The following SLC14A2 variants were observed in gnomAD, a reference collection of about 807,000 sequenced individuals.
SLC14A2 encodes solute carrier family 14 member 2.
A neutral mutation model predicts 104.6 loss-of-function variants in SLC14A2; 91 were observed. That is an observed-to-expected ratio of 0.87 (90% CI 0.73 to 1.04). SLC14A2 has a LOEUF of 1.04. Ranked by LOEUF, SLC14A2 falls within the 50% of genes least tolerant of loss-of-function variation. The probability of loss-of-function intolerance (pLI) is 0.00; values close to 1 mark genes in which losing one functional copy is unlikely to be tolerated. For missense variants in SLC14A2, 1,189 were observed against 1,156.0 expected, an observed-to-expected ratio of 1.03 and a Z score of -0.41; for synonymous variants, 476 against 466.4, an observed-to-expected ratio of 1.02 and a Z score of -0.27.
chr18:45,232,627 G>A (rs947540054), intron 1 of SLC14A2, among the ~76,000 whole-genome samples: 1 of 152,190 alleles, frequency 6.6e-6, no homozygotes, highest in Non-Finnish European at 1.5e-5. Context: ...ACAGGAGGCT[G>A]TCACCATAGA....
rs1046113123 is a variant in SLC14A2, at chr18:45,643,985, G to C, written c.1177-1G>C. 6.2e-7 allele frequency: 1 copy of C among 1,613,646 alleles called. No homozygotes were observed. The highest frequency in any genetic ancestry group is 8.5e-7 in the Non-Finnish European group (1 of 1,179,760). On this transcript the variant is annotated splice_acceptor_variant, in intron 9 of 19. Transcript: ENST00000255226. LOFTEE classifies it high-confidence loss of function. ...TCAGTCCCCAATGCTTTTGTTTCCA[G>C]GTGGGCGTGCCACCAGGCACCTGGG...
chr18:45,377,492 A>T (rs553846666), intron 1 of SLC14A2, among the ~76,000 whole-genome samples: 14 of 152,238 alleles, frequency 9.2e-5, no homozygotes, highest in Middle Eastern at 3.4e-3. Flanking sequence ...TCAGAACCAA[A>T]GTCTAAAACC....
chr18:45,303,665 A>G (rs1323030828), intron 1 of SLC14A2, among the ~76,000 whole-genome samples: 1 of 152,218 alleles, frequency 6.6e-6, no homozygotes, highest in Non-Finnish European at 1.5e-5. Context: ...TGGGTCTGCA[A>G]TACCTTAATA....
intron 2 of SLC14A2, among the ~76,000 whole-genome samples, chr18:45,543,351 A>T (rs1598985116): frequency 6.6e-6 from 1 of 152,134 alleles, no homozygotes; most frequent in African/African-American, 2.4e-5. Flanking sequence ...CATATATATA[A>T]AATTATATTA....
chr18:45,472,532 CATCTG>C (rs2087270825), intron 1 of SLC14A2, among the ~76,000 whole-genome samples: 1 of 152,214 alleles, frequency 6.6e-6, no homozygotes. Context: ...TCCTCTCCAG[CATCTG>C]TTGTTTTCTG....
chr18:45,496,082 G>T (rs1333533868), intron 2 of SLC14A2, among the ~76,000 whole-genome samples: 1 of 152,200 alleles, frequency 6.6e-6, no homozygotes, highest in African/African-American at 2.4e-5. Flanking sequence ...AAGTGAGAAA[G>T]AAGAATGAGC....
chr18:45,252,926 A>G (rs2084438184), intron 1 of SLC14A2, among the ~76,000 whole-genome samples: 2 of 152,076 alleles, frequency 1.3e-5, no homozygotes, highest in Admixed American at 6.6e-5. Flanking sequence ...TTTAAATATA[A>G]GATTTGAACA....
intron 2 of SLC14A2, among the ~76,000 whole-genome samples, chr18:45,536,133 C>T (rs1439393683): frequency 6.6e-6 from 1 of 152,086 alleles, no homozygotes; most frequent in African/African-American, 2.4e-5. Flanking sequence ...TATTGTATTG[C>T]CTATGTGAGA....
chr18:45,677,214 T>G (rs1179960674), intron 18 of SLC14A2, among the ~76,000 whole-genome samples: 5 of 152,192 alleles, frequency 3.3e-5, no homozygotes, highest in African/African-American at 1.2e-4. Context: ...CTGCTAGTAA[T>G]AACACCAGAT....
the SLC14A2 span, among the ~76,000 whole-genome samples, chr18:45,198,072 T>A: frequency 6.6e-6 from 1 of 152,186 alleles, no homozygotes; most frequent in Non-Finnish European, 1.5e-5. Flanking sequence ...AAAACATGGA[T>A]GTGAAATTAG....
intron 2 of SLC14A2, among the ~76,000 whole-genome samples, chr18:45,546,915 A>G (rs1035972638): frequency 1.8e-4 from 28 of 152,298 alleles, no homozygotes; most frequent in African/African-American, 6.5e-4. Context: ...ATTCCGTCCT[A>G]TGGGCTGGCT....
intron 10 of SLC14A2, among the ~76,000 whole-genome samples, chr18:45,652,560 C>T (rs1337314968): frequency 6.6e-6 from 1 of 152,224 alleles, no homozygotes; most frequent in Non-Finnish European, 1.5e-5. Context: ...ATCTGACCTT[C>T]CCAAGTTTAG....
chr18:45,534,880 G>T (rs552845460), intron 2 of SLC14A2, among the ~76,000 whole-genome samples: 14 of 152,208 alleles, frequency 9.2e-5, no homozygotes, highest in Admixed American at 7.9e-4. Context: ...TGCACCACAG[G>T]GCATCTTTGT....
intron 2 of SLC14A2, among the ~76,000 whole-genome samples, chr18:45,488,578 G>A (rs1048331965): frequency 6.6e-6 from 1 of 152,208 alleles, no homozygotes; most frequent in African/African-American, 2.4e-5. Flanking sequence ...ACAGTAAGCA[G>A]GTGGACTACA....
At chr18:45,565,171 C>T (rs545682112) in intron 2 of SLC14A2, among the ~76,000 whole-genome samples, 12 of 149,434 alleles carry the variant, frequency 8.0e-5, no homozygotes, top group Non-Finnish European at 1.3e-4. Flanking sequence ...GTCGCCCAGG[C>T]TGAAGGGCAG....
At chr18:45,308,392 G>T (rs765264054) in intron 1 of SLC14A2, among the ~76,000 whole-genome samples, 3 of 152,180 alleles carry the variant, frequency 2.0e-5, no homozygotes, top group Non-Finnish European at 4.4e-5. Context: ...AACCCATGTG[G>T]TCTAACTCTA....
chr18:45,465,611 C>A (rs531220947), intron 1 of SLC14A2, among the ~76,000 whole-genome samples: 25 of 152,296 alleles, frequency 1.6e-4, no homozygotes, highest in African/African-American at 5.5e-4. Context: ...CATCCTTCTC[C>A]TCCTCCCTTC....
intron 1 of SLC14A2, among the ~76,000 whole-genome samples, chr18:45,419,921 G>T (rs554174219): frequency 6.6e-6 from 1 of 152,164 alleles, no homozygotes; most frequent in Non-Finnish European, 1.5e-5. Context: ...AGAAATAGCT[G>T]CTCTGTTTGG....
chr18:45,324,780 A>G (rs1281389683), intron 1 of SLC14A2, among the ~76,000 whole-genome samples: 1 of 150,850 alleles, frequency 6.6e-6, no homozygotes, highest in African/African-American at 2.5e-5. Context: ...CACACACACA[A>G]CCCCTTCACA....
Sources: allele counts gnomAD v4.1 joint callset (sites outside exome capture counted in the v4.1 genomes callset), GRCh38; gene constraint gnomAD v4.1.1; transcripts MANE v1.5; gene names NCBI Gene and HGNC (gene_info 2026-07-23, HGNC 2026-07-21).